The following OXNAD1 variants were observed in gnomAD, a reference collection of about 807,000 sequenced individuals.
The protein encoded by OXNAD1 is oxidoreductase NAD binding domain containing 1.
OXNAD1 carries 34 observed loss-of-function variants against 32.9 expected under a neutral mutation model. That is an observed-to-expected ratio of 1.03 (90% CI 0.79 to 1.38). The LOEUF (loss-of-function observed/expected upper bound fraction) is 1.38, where lower values mean the gene tolerates loss of function less well. Ranked by LOEUF, OXNAD1 falls within the 40% of genes most tolerant of loss-of-function variation. OXNAD1 has a pLI of 0.00. For synonymous variants in OXNAD1, 134 were observed against 135.2 expected, an observed-to-expected ratio of 0.99 and a Z score of 0.06; for missense variants, 407 against 379.4, an observed-to-expected ratio of 1.07 and a Z score of -0.60.
In OXNAD1 at chr3:16,274,914, A is replaced by G. The variant is rs189980078; in HGVS notation, c.183+3192A>G. The G allele has an allele frequency of 5.2e-5, 8 of 152,388 alleles. No homozygotes were observed. In the East Asian group the frequency reaches 1.5e-3, roughly 29 times the overall value. The allele number at this position is 152,388 out of a possible 1,614,324, so 9.4% of individuals were successfully genotyped here. A position where few individuals can be genotyped will look rare whatever the true frequency, so the allele number is the denominator to read the frequency against. On this transcript the variant is annotated intron_variant, in intron 4 of 8. Coordinates refer to ENST00000285083, the MANE Select transcript of OXNAD1 (RefSeq NM_138381.5). ...TTTTCTAAAAATGAGCATTTTAAGA[A>G]CAGGATACAGTTGATAACATTAGAG...
rs1379896142 is a variant in OXNAD1 at position 16,277,243 on chromosome 3, A to C, written c.183+5521A>C. Among the ~76,000 whole-genome samples the C allele has an allele frequency of 2.6e-5, 4 of 151,974 alleles. No homozygotes were observed. Among genetic ancestry groups the C allele is most frequent in the Non-Finnish European group, 5.9e-5 (4 of 67,966 alleles). ...CTCCTGGCCCTCCTCTTCTGTTTCT[A>C]ATTTCCCCTCTTCTCCCATACAGAA... On this transcript the variant is annotated intron_variant, in intron 4 of 8. Transcript: ENST00000285083. The surrounding 1 kb of genome is among the most constrained non-coding windows in gnomAD (Gnocchi z 4.3).
At chr3:16,275,688 C>T (rs2065269952) in intron 4 of OXNAD1, 1 of 177,012 alleles carries the variant, frequency 5.6e-6, no homozygotes, top group African/African-American at 2.4e-5. Flanking sequence ...AAAGAATTAA[C>T]TACGGGTTTA....
chr3:16,296,572 A>G (rs1332878866), intron 6 of OXNAD1, among the ~76,000 whole-genome samples: 2 of 152,246 alleles, frequency 1.3e-5, no homozygotes, highest in Non-Finnish European at 2.9e-5. Context: ...CAAATTTAAG[A>G]TAAAGCTACA....
In OXNAD1 at chr3:16,302,541, C is replaced by T. The variant is rs1000250047; in HGVS notation, c.676-99C>T. 9 of 760,218 alleles carry T rather than the reference C, an allele frequency of 1.2e-5. No homozygotes were observed. The highest frequency in any genetic ancestry group is 2.7e-5 in the East Asian group (1 of 37,166). 47.1% of individuals were successfully genotyped at this position (760,218 alleles called of 1,614,324 possible). Reference sequence around the variant, plus strand: ...CTAAGTAGAGAGCGAGAGCGGCAGACGTGTGCAGAATGGGAGTTGAGGTTC... The same window carrying T: ...CTAAGTAGAGAGCGAGAGCGGCAGATGTGTGCAGAATGGGAGTTGAGGTTC... On this transcript the variant is annotated intron_variant, in intron 7 of 8. Coordinates refer to ENST00000285083, the MANE Select transcript of OXNAD1 (RefSeq NM_138381.5). The surrounding 1 kb of genome is among the most constrained non-coding windows in gnomAD (Gnocchi z 4.2).
intron 6 of OXNAD1, among the ~76,000 whole-genome samples, chr3:16,300,747 C>A (rs1218743023): frequency 2.0e-5 from 3 of 152,186 alleles, no homozygotes; most frequent in East Asian, 1.9e-4. Flanking sequence ...TAGGAACTTT[C>A]TCACAAAATT....
At chr3:16,269,424 A>G (rs2064774529) in intron 2 of OXNAD1, 149 bp downstream of exon 2, 1 of 752,024 alleles carries the variant, frequency 1.3e-6, no homozygotes, top group African/African-American at 1.8e-5. Context: ...AGCAAGTAGC[A>G]TGCTTATCCG....
rs1467793999 is a variant in OXNAD1, at chr3:16,314,348, C to T, written c.*30+10756C>T. The T allele has an allele frequency of 6.6e-6, 1 of 152,174 alleles. No individual in the cohort carries two copies. Among genetic ancestry groups the T allele is most frequent in the East Asian group, 1.9e-4 (1 of 5,182 alleles). 9.4% of individuals were successfully genotyped at this position (152,174 alleles called of 1,614,324 possible). A position where few individuals can be genotyped will look rare whatever the true frequency, so the allele number is the denominator to read the frequency against. ...GGATTTTAGGGCCTTTATTATTTAC[C>T]ACTTGTAGAAAGCATTTTATTTCAC... On this transcript the variant is annotated intron_variant, in intron 9 of 9. Coordinates refer to the OXNAD1 transcript ENST00000435829. This position sits in a 1 kb window ranked among gnomAD's most constrained non-coding sequence, Gnocchi z 4.4.
At chr3:16,330,639 G>A (rs1404541014) in intron 9 of OXNAD1, among the ~76,000 whole-genome samples, 1 of 152,228 alleles carries the variant, frequency 6.6e-6, no homozygotes, top group Non-Finnish European at 1.5e-5. Context: ...CACACCTGGA[G>A]TGTTAAAAAA....
At chr3:16,307,153 G>T (rs932505917), downstream of OXNAD1, among the ~76,000 whole-genome samples, 21 of 152,192 alleles carry the variant, frequency 1.4e-4, no homozygotes, top group African/African-American at 5.1e-4. Context: ...ATGAGTTGGT[G>T]CCTTAGCAAC....
In OXNAD1 at chr3:16,320,778, G is replaced by A. The variant is rs1271136544; in HGVS notation, c.*31-16334G>A. ...GAGCTGGAGGCCACAGAGAATGGGAGGCTGGCAGAGGAGGTAAGAGGGACC... is the reference window on the plus strand; with the variant it reads ...GAGCTGGAGGCCACAGAGAATGGGAAGCTGGCAGAGGAGGTAAGAGGGACC... On this transcript the variant is annotated intron_variant, in intron 9 of 9. Coordinates refer to the OXNAD1 transcript ENST00000435829. This position sits in a 1 kb window ranked among gnomAD's most constrained non-coding sequence, Gnocchi z 4.5. 6.6e-6 allele frequency among the ~76,000 whole-genome samples: 1 copy of A among 152,222 alleles called. No individual in the cohort carries two copies. Among genetic ancestry groups the A allele is most frequent in the Non-Finnish European group, 1.5e-5 (1 of 68,040 alleles).
chr3:16,270,381 ATCTT>A (rs543951954), intron 2 of OXNAD1, among the ~76,000 whole-genome samples: 205 of 152,330 alleles, frequency 1.3e-3, no homozygotes, highest in African/African-American at 4.8e-3. Flanking sequence ...TGTGTAGTAT[ATCTT>A]ACTGTGTGAA....
intron 4 of OXNAD1, chr3:16,276,531 T>G (rs1044652484): frequency 6.0e-6 from 1 of 167,312 alleles, no homozygotes; most frequent in Non-Finnish European, 1.3e-5. Context: ...TTTTTTTTTT[T>G]TTACCACTTT....
downstream of OXNAD1, among the ~76,000 whole-genome samples, chr3:16,308,047 C>G (rs918174664): frequency 6.6e-6 from 1 of 152,184 alleles, no homozygotes; most frequent in South Asian, 2.1e-4. The surrounding 1 kb of genome is among the most constrained non-coding windows in gnomAD (Gnocchi z 4.4). Flanking sequence ...CTGCTATGTG[C>G]GGTCACTGAG....
At chr3:16,267,646 T>C (rs2064627173) in intron 1 of OXNAD1, among the ~76,000 whole-genome samples, 1 of 152,192 alleles carries the variant, frequency 6.6e-6, no homozygotes, top group African/African-American at 2.4e-5. Context: ...TTTCTTGATA[T>C]TTCCCCCACC....
exon 10 of OXNAD1, chr3:16,349,425 C>G (rs774437369): frequency 6.6e-6 from 1 of 152,180 alleles, no homozygotes. Flanking sequence ...TAAGGCAAAC[C>G]CAAAAGAGGA....
chr3:16,336,010 G>C lies in OXNAD1; in HGVS notation c.*31-1102G>C, dbSNP rs751576318. Among the ~76,000 whole-genome samples, 116 of 152,312 alleles carry C rather than the reference G, an allele frequency of 7.6e-4. 1 individual carries two copies. Among genetic ancestry groups the C allele is most frequent in the South Asian group, 1.2e-3 (6 of 4,826 alleles). ...CCTGGGCCCTGCTCAGCACACGCTG[G>C]CTATAGCGGCACTCGAGGAGGGTAG... On this transcript the variant is annotated intron_variant, in intron 9 of 9. Coordinates refer to the OXNAD1 transcript ENST00000435829. This position sits in a 1 kb window ranked among gnomAD's most constrained non-coding sequence, Gnocchi z 6.0.
Position 16,301,346 on chromosome 3 carries a change from C to T in OXNAD1, c.433-280C>T, listed in dbSNP as rs1257563072. 2.6e-5 allele frequency among the ~76,000 whole-genome samples: 4 copies of T among 152,192 alleles called. No homozygotes were observed. The highest frequency in any genetic ancestry group is 4.8e-5 in the African/African-American group (2 of 41,448). ...TGCCTCTTTCCTCAATCCAGTTCAT[C>T]GCCTAAGAAGTTAACAAATGGTGAA... is the stretch of plus-strand genomic sequence containing the variant. On this transcript the variant is annotated intron_variant, in intron 6 of 8. Transcript: ENST00000285083. The surrounding 1 kb of genome is among the most constrained non-coding windows in gnomAD (Gnocchi z 4.1).
At chr3:16,286,470 C>CAGG (rs1559745611) in intron 5 of OXNAD1, 22 bp downstream of exon 5, 1 of 1,584,914 alleles carries the variant, frequency 6.3e-7, no homozygotes, top group African/African-American at 1.3e-5. Flanking sequence ...TTCTGTGTTC[C>CAGG]ATGTATGTAT....
At chr3:16,293,141 C>T (rs1039879298) in intron 5 of OXNAD1, among the ~76,000 whole-genome samples, 1 of 152,174 alleles carries the variant, frequency 6.6e-6, no homozygotes, top group Non-Finnish European at 1.5e-5. Context: ...ATATTTAAGT[C>T]TGCCATGCCA....
Sources: gnomAD v4.1 joint callset for allele counts (sites outside exome capture counted in the v4.1 genomes callset) on GRCh38, gnomAD v4.1.1 for gene constraint, Gnocchi (gnomAD v3.1) non-coding constraint, MANE v1.5 for transcripts, NCBI Gene and HGNC (gene_info 2026-07-23, HGNC 2026-07-21) for gene names.